MTMR8: variants seen among roughly 807,000 people sequenced by gnomAD.
MTMR8 encodes myotubularin related protein 8, also known as phosphatidylinositol-3,5-bisphosphate 3-phosphatase MTMR8.
In MTMR8, 65 loss-of-function variants were observed where a neutral mutation model predicts 39.3. The ratio of observed to expected loss-of-function variants is 1.65; its 90% confidence interval spans 1.35 to 2.03. The LOEUF is 2.03. Among genes scored for constraint, MTMR8 ranks in the 30% most tolerant of loss-of-function variants. The pLI, the probability that MTMR8 is intolerant of heterozygous loss-of-function variation, is 0.00. For missense variants in MTMR8, 777 were observed against 538.9 expected (o/e 1.44, Z -4.37); for synonymous variants, 245 against 185.2 (o/e 1.32, Z -2.62).
intron 13 of MTMR8, 137 bp from the exon 14 acceptor site, chrX:64,269,180 A>C: frequency 1.7e-6 from 1 of 574,017 alleles, no homozygotes; most frequent in Non-Finnish European, 2.7e-6. Flanking sequence ...CCCCTCCCCC[A>C]CAACATCTTT....
chrX:64,344,793 T>A (rs1418718101), intron 7 of MTMR8, among the ~76,000 whole-genome samples: 1 of 111,515 alleles, frequency 9.0e-6, no homozygotes, highest in Non-Finnish European at 1.9e-5. Flanking sequence ...AGAGAAATAA[T>A]TTTCATACCA....
chrX:64,314,796 G>T (rs1489002094), intron 12 of MTMR8, among the ~76,000 whole-genome samples: 1 of 112,128 alleles, frequency 8.9e-6, no homozygotes, highest in Non-Finnish European at 1.9e-5. Context: ...TGGGTGGGAT[G>T]GTACGTGACC....
intron 9 of MTMR8, among the ~76,000 whole-genome samples, chrX:64,336,700 G>A (rs935692337): frequency 1.5e-4 from 17 of 111,069 alleles, no homozygotes; most frequent in African/African-American, 5.6e-4. Flanking sequence ...GGGAGGCTAT[G>A]GCACAAGAAT....
intron 4 of MTMR8, 62 bp from the exon 5 acceptor site, chrX:64,350,132 C>T: frequency 1.5e-6 from 1 of 685,857 alleles, no homozygotes. Flanking sequence ...ATAACTGTCT[C>T]TTTGGAAATA....
intron 1 of MTMR8, among the ~76,000 whole-genome samples, chrX:64,390,313 A>G (rs1924661088): frequency 8.9e-6 from 1 of 112,377 alleles, no homozygotes; most frequent in Non-Finnish European, 1.9e-5. Flanking sequence ...AAAGTGTTAC[A>G]AAGTGTTATT....
chrX:64,329,019 G>A (rs1002288736), intron 11 of MTMR8, 119 bp from the exon 12 acceptor site: 8 of 568,628 alleles, frequency 1.4e-5, no homozygotes, highest in South Asian at 4.9e-5. Flanking sequence ...AAGAAAGGAC[G>A]ACAGGATATG....
intron 12 of MTMR8, among the ~76,000 whole-genome samples, chrX:64,302,429 G>C (rs776859767): frequency 1.8e-4 from 20 of 112,112 alleles, no homozygotes; most frequent in South Asian, 3.7e-4. Flanking sequence ...TCGGCTCGCG[G>C]ACGGTGCGCA....
chrX:64,376,596 G>A (rs910657473), intron 1 of MTMR8, among the ~76,000 whole-genome samples: 21 of 112,126 alleles, frequency 1.9e-4, no homozygotes, highest in South Asian at 3.7e-4. Flanking sequence ...GCCTCTAACA[G>A]CATACGCTCA....
At chrX:64,313,599 A>G (rs1395869576) in intron 12 of MTMR8, among the ~76,000 whole-genome samples, 2 of 112,414 alleles carry the variant, frequency 1.8e-5, no homozygotes, top group African/African-American at 6.5e-5. Context: ...TTCCTTGCTA[A>G]GCTTAATGAT....
intron 8 of MTMR8, among the ~76,000 whole-genome samples, chrX:64,342,902 C>T (rs1244474882): frequency 1.8e-5 from 2 of 111,635 alleles, no homozygotes; most frequent in African/African-American, 6.5e-5. Flanking sequence ...AAAAACAAAA[C>T]GTCAAAATGA....
intron 12 of MTMR8, among the ~76,000 whole-genome samples, chrX:64,284,981 C>A (rs1921104613): frequency 8.9e-6 from 1 of 111,795 alleles, no homozygotes; most frequent in Admixed American, 9.5e-5. Flanking sequence ...GCAATATTAA[C>A]CTTAAATGTA....
chrX:64,312,989 A>C (rs754095226), intron 12 of MTMR8, among the ~76,000 whole-genome samples: 1 of 112,398 alleles, frequency 8.9e-6, no homozygotes, highest in East Asian at 2.8e-4. Context: ...TATAGAGCAC[A>C]GGCAGAATAG....
chrX:64,383,183 G>A (rs994560624), intron 1 of MTMR8, among the ~76,000 whole-genome samples: 2 of 110,766 alleles, frequency 1.8e-5, no homozygotes, highest in African/African-American at 6.6e-5. Flanking sequence ...ATTCTGTCCT[G>A]CAAAGTCATT....
At chrX:64,307,374 A>G (rs773413827) in intron 12 of MTMR8, among the ~76,000 whole-genome samples, 2 of 112,180 alleles carry the variant, frequency 1.8e-5, no homozygotes, top group Admixed American at 9.5e-5. Flanking sequence ...TAAATTTATG[A>G]TCCATTTTGT....
chrX:64,301,941 G>C (rs1021512791), intron 12 of MTMR8, among the ~76,000 whole-genome samples: 8 of 112,081 alleles, frequency 7.1e-5, no homozygotes, highest in Non-Finnish European at 1.5e-4. Flanking sequence ...CTCCAGCTGC[G>C]TGCTGGGAGA....
At chrX:64,328,379 A>C (rs751735113) in intron 12 of MTMR8, among the ~76,000 whole-genome samples, 49 of 111,894 alleles carry the variant, frequency 4.4e-4, no homozygotes, top group African/African-American at 1.6e-3. Flanking sequence ...TGAGTGCCTC[A>C]GCCTGCAGAA....
intron 6 of MTMR8, among the ~76,000 whole-genome samples, chrX:64,348,099 G>A (rs756649178): frequency 1.2e-4 from 13 of 110,947 alleles, no homozygotes; most frequent in African/African-American, 2.3e-4. Flanking sequence ...GTACTAAACC[G>A]GCAAAAATTT....
intron 10 of MTMR8, among the ~76,000 whole-genome samples, chrX:64,333,222 A>T (rs189771259): frequency 1.8e-5 from 2 of 111,937 alleles, no homozygotes; most frequent in Admixed American, 1.9e-4. Context: ...GCTCTCAAAT[A>T]ATCTTTGTGT....
chrX:64,273,254 G>T (rs1039668069), intron 12 of MTMR8, among the ~76,000 whole-genome samples: 1 of 110,934 alleles, frequency 9.0e-6, no homozygotes, highest in Non-Finnish European at 1.9e-5. Context: ...GTATGCTAAT[G>T]AATATACAAT....
Sources: gnomAD v4.1 joint callset for allele counts (sites outside exome capture counted in the v4.1 genomes callset) on GRCh38, gnomAD v4.1.1 for gene constraint, MANE v1.5 for transcripts, NCBI Gene and HGNC (gene_info 2026-07-23, HGNC 2026-07-21) for gene names.